The following SLA variants were observed in gnomAD, a reference collection of about 807,000 sequenced individuals.
SLA encodes the protein Src like adaptor, also known as src-like-adapter.
In SLA, 16 loss-of-function variants were observed where a neutral mutation model predicts 30.3. The observed-to-expected ratio is 0.53, with a 90% CI of 0.36 to 0.80. SLA has a LOEUF of 0.80. SLA is among the 30% of genes least tolerant of loss of function. SLA has a pLI of 0.01. For missense variants in SLA, 310 were observed against 345.2 expected (o/e 0.90, Z 0.81); for synonymous variants, 143 against 137.8 (o/e 1.04, Z -0.26).
intron 5 of SLA, chr8:133,049,597 G>T: frequency 2.6e-6 from 1 of 385,060 alleles, no homozygotes; most frequent in Non-Finnish European, 4.9e-6. Flanking sequence ...TCTAGTCTCT[G>T]CACTGTGCTG....
intron 1 of SLA, chr8:133,076,551 T>G (rs544671097): frequency 3.4e-4 from 52 of 152,140 alleles, no homozygotes; most frequent in African/African-American, 1.2e-3. Flanking sequence ...GGCAGAAATA[T>G]GCAGAAGTGG....
chr8:133,064,319 TAGAC>T (rs1402398100), intron 2 of SLA: 2 of 152,226 alleles, frequency 1.3e-5, no homozygotes, highest in Non-Finnish European at 2.9e-5. Context: ...GAAGTCCTAT[TAGAC>T]AGAATCCCAA....
intron 3 of SLA, among the ~76,000 whole-genome samples, chr8:133,059,798 A>G (rs909988048): frequency 2.0e-5 from 3 of 152,182 alleles, no homozygotes; most frequent in Non-Finnish European, 4.4e-5. Context: ...TGTGGATCCC[A>G]TTCCCTTTGT....
At chr8:133,051,082 C>G (rs747461308) in intron 3 of SLA, among the ~76,000 whole-genome samples, 167 bp from the exon 4 acceptor site, 2 of 152,200 alleles carry the variant, frequency 1.3e-5, no homozygotes, top group South Asian at 4.1e-4. Flanking sequence ...AGAGATGGCT[C>G]TGCAGGGTGT....
At chr8:133,084,416 G>A (rs1163595269) in intron 1 of SLA, among the ~76,000 whole-genome samples, 2 of 152,292 alleles carry the variant, frequency 1.3e-5, no homozygotes, top group East Asian at 1.9e-4. Context: ...CAATGGAAGG[G>A]AGGCTCAGGA....
chr8:133,039,848 G>T, intron 8 of SLA, 150 bp downstream of exon 8: 4 of 1,372,944 alleles, frequency 2.9e-6, no homozygotes, highest in Admixed American at 2.2e-5. Context: ...CTTGTGGGGG[G>T]TGCTCACCCC....
At chr8:133,060,010 A>T in intron 3 of SLA, 90 bp downstream of exon 3, 1 of 1,340,286 alleles carries the variant, frequency 7.5e-7, no homozygotes, top group Non-Finnish European at 1.0e-6. Context: ...TGCCCCATTT[A>T]AGTAGTTACC....
At chr8:133,100,362 A>T (rs1040173784) in intron 1 of SLA, among the ~76,000 whole-genome samples, 52 of 152,124 alleles carry the variant, frequency 3.4e-4, no homozygotes, top group African/African-American at 1.2e-3. Context: ...CATATTATGT[A>T]TTTGTCTGTT....
intron 1 of SLA, among the ~76,000 whole-genome samples, chr8:133,096,803 C>A (rs1368413556): frequency 6.6e-6 from 1 of 152,192 alleles, no homozygotes; most frequent in Non-Finnish European, 1.5e-5. Context: ...CACCAGGCTT[C>A]CAAGTTAAAT....
At chr8:133,085,965 A>G (rs985085297) in intron 1 of SLA, among the ~76,000 whole-genome samples, 1 of 152,230 alleles carries the variant, frequency 6.6e-6, no homozygotes, top group Non-Finnish European at 1.5e-5. Context: ...AAGTAGAAAC[A>G]ACCCAAATGT....
In SLA at chr8:133,071,924, T is replaced by C. The variant is rs542481471; in HGVS notation, c.-41+2929A>G. Among the ~76,000 whole-genome samples the C allele has an allele frequency of 2.0e-5, 3 of 152,324 alleles. No individual in the cohort carries two copies. The East Asian group carries it at 5.8e-4, about 29-fold the overall frequency. ...CATGATCTAGCCGGTGTCTGGCACA[T>C]AATGCAAGCTCAGTTAGTTAGAATG... On this transcript the variant is annotated intron_variant, in intron 2 of 8. Transcript: ENST00000338087.
At chr8:133,052,815 T>C (rs555019614) in intron 3 of SLA, among the ~76,000 whole-genome samples, 83 of 152,338 alleles carry the variant, frequency 5.4e-4, no homozygotes, top group Non-Finnish European at 1.0e-3. Context: ...TATGATTTGT[T>C]TGGCTTCCTG....
chr8:133,099,577 A>G (rs549210697), intron 1 of SLA, among the ~76,000 whole-genome samples: 5 of 152,180 alleles, frequency 3.3e-5, no homozygotes, highest in Non-Finnish European at 5.9e-5. Context: ...CATGTCTCAT[A>G]GTGTCTCATC....
intron 3 of SLA, among the ~76,000 whole-genome samples, chr8:133,056,308 C>T (rs1025873365): frequency 1.3e-5 from 2 of 152,204 alleles, no homozygotes; most frequent in East Asian, 3.8e-4. Context: ...AAGACCATCT[C>T]ATGTACCAGC....
At chr8:133,039,945 AC>A in intron 8 of SLA, 52 bp downstream of exon 8, 1 of 1,491,592 alleles carries the variant, frequency 6.7e-7, no homozygotes, top group South Asian at 1.2e-5. Context: ...TTCACAGAGC[AC>A]TTGCATGCAC....
intron 3 of SLA, 67 bp downstream of exon 3, chr8:133,060,033 C>A: frequency 6.8e-7 from 1 of 1,477,782 alleles, no homozygotes; most frequent in Non-Finnish European, 9.0e-7. Context: ...CATCCACCAC[C>A]GCCCAGTCTT....
chr8:133,044,955 A>G, intron 7 of SLA, 29 bp downstream of exon 7: 1 of 1,612,962 alleles, frequency 6.2e-7, no homozygotes, highest in Non-Finnish European at 8.5e-7. Flanking sequence ...TCCCACCATC[A>G]CAATCACTCC....
rs181662554 is a variant in SLA at position 133,058,526 on chromosome 8, G to A, written c.61+1574C>T. On this transcript the variant is annotated intron_variant, in intron 3 of 8. Transcript: ENST00000338087. ...CTGCCCCCTCTGCCCCAGGCTGAGA[G>A]GTGACGACCCAAGATGGGTTCGGTG... 5.6e-4 allele frequency among the ~76,000 whole-genome samples: 85 copies of A among 152,362 alleles called. 1 individual carries two copies. In the East Asian group the frequency reaches 0.012, roughly 22 times the overall value.
chr8:133,037,559 C>T lies in SLA; in HGVS notation c.*965G>A, dbSNP rs1005561334. ...TCCATCCTAAGCCATGAGCTGATTT[C>T]TCTTTTTACACATTTGTTTATACAT... On this transcript the variant is annotated 3_prime_UTR_variant, in exon 9 of 9. Transcript: ENST00000338087. 1 of 152,074 alleles carries T rather than the reference C, an allele frequency of 6.6e-6. No homozygotes were observed. The highest frequency in any genetic ancestry group is 6.6e-5 in the Admixed American group (1 of 15,252). 9.4% of individuals were successfully genotyped at this position (152,074 alleles called of 1,614,324 possible).
Sources: allele counts gnomAD v4.1 joint callset (sites outside exome capture counted in the v4.1 genomes callset), GRCh38; gene constraint gnomAD v4.1.1; transcripts MANE v1.5; gene names NCBI Gene and HGNC (gene_info 2026-07-23, HGNC 2026-07-21).